ASPRV1: variants seen among roughly 807,000 people sequenced by gnomAD.
ASPRV1 encodes retroviral-like aspartic protease 1.
ASPRV1 carries 7 observed loss-of-function variants against 11.0 expected under a neutral mutation model. The ratio of observed to expected loss-of-function variants is 0.64; its 90% confidence interval spans 0.36 to 1.20. The LOEUF (loss-of-function observed/expected upper bound fraction) is 1.20. ASPRV1 is among the 50% of genes most tolerant of loss of function. The pLI, the probability that ASPRV1 is intolerant of heterozygous loss-of-function variation, is 0.02. For missense variants in ASPRV1, 299 were observed against 320.0 expected, an observed-to-expected ratio of 0.93 and a Z score of 0.50; for synonymous variants, 136 against 138.4, an observed-to-expected ratio of 0.98 and a Z score of 0.12.
At chr2:70,038,969 C>T in the ASPRV1 span, among the ~76,000 whole-genome samples, 22 of 151,652 alleles carry the variant, frequency 1.5e-4, no homozygotes, top group African/African-American at 5.1e-4. Context: ...ATCCCAGCTA[C>T]TTGGGAGGCT....
chr2:70,065,461 T>C, the ASPRV1 span, among the ~76,000 whole-genome samples: 2 of 148,380 alleles, frequency 1.3e-5, no homozygotes, highest in Non-Finnish European at 3.0e-5. Context: ...TAAACAAATA[T>C]GTAAATAAAC....
At chr2:70,039,180 C>A in the ASPRV1 span, among the ~76,000 whole-genome samples, 1 of 151,924 alleles carries the variant, frequency 6.6e-6, no homozygotes, top group African/African-American at 2.4e-5. Flanking sequence ...ACAGGAATAA[C>A]CAGTATTAGA....
At chr2:69,943,769 T>C in the ASPRV1 span, among the ~76,000 whole-genome samples, 2 of 152,190 alleles carry the variant, frequency 1.3e-5, no homozygotes, top group African/African-American at 2.4e-5. Flanking sequence ...GTGAGTCTCA[T>C]TGGCGCTCAA....
chr2:70,070,874 CAT>C, the ASPRV1 span: 1 of 140,746 alleles, frequency 7.1e-6, no homozygotes, highest in African/African-American at 2.7e-5. Flanking sequence ...ATATAAAAAA[CAT>C]GTTTCCCCTC....
At chr2:70,061,612 G>A in the ASPRV1 span, among the ~76,000 whole-genome samples, 1 of 152,024 alleles carries the variant, frequency 6.6e-6, no homozygotes, top group Admixed American at 6.6e-5. Flanking sequence ...ACCAGATACT[G>A]CAGGATCCAA....
chr2:69,944,554 A>T, the ASPRV1 span, among the ~76,000 whole-genome samples: 10 of 152,250 alleles, frequency 6.6e-5, no homozygotes, highest in Non-Finnish European at 1.0e-4. Context: ...TGGAAGCGTC[A>T]GCAGCCGGGC....
At chr2:70,079,771 C>T in the ASPRV1 span, among the ~76,000 whole-genome samples, 4 of 152,192 alleles carry the variant, frequency 2.6e-5, no homozygotes, top group Admixed American at 6.5e-5. Flanking sequence ...TCCTATTCCA[C>T]GCATAACACT....
the ASPRV1 span, among the ~76,000 whole-genome samples, chr2:70,026,742 G>A: frequency 6.6e-6 from 1 of 151,964 alleles, no homozygotes; most frequent in Admixed American, 6.6e-5. Flanking sequence ...TCATAGATTG[G>A]AAAAATTTAT....
At chr2:69,983,221 A>G in the ASPRV1 span, among the ~76,000 whole-genome samples, 2 of 152,316 alleles carry the variant, frequency 1.3e-5, no homozygotes, top group East Asian at 3.9e-4. Context: ...GTCTGGCTGG[A>G]ACCCTGAGTA....
the ASPRV1 span, among the ~76,000 whole-genome samples, chr2:70,001,168 A>C: frequency 6.9e-6 from 1 of 145,194 alleles, no homozygotes; most frequent in Admixed American, 6.8e-5. Flanking sequence ...TTTTAAATTA[A>C]AAAAAAAAAA....
the ASPRV1 span, among the ~76,000 whole-genome samples, chr2:69,992,725 C>T: frequency 6.6e-6 from 1 of 152,158 alleles, no homozygotes; most frequent in Non-Finnish European, 1.5e-5. Flanking sequence ...TTTCCTAGAA[C>T]TTTGATATTG....
At chr2:70,074,439 C>A in the ASPRV1 span, among the ~76,000 whole-genome samples, 1 of 151,452 alleles carries the variant, frequency 6.6e-6, no homozygotes, top group East Asian at 2.0e-4. Flanking sequence ...CAGGCACACA[C>A]CACCACACCT....
At chr2:70,044,371 G>A in the ASPRV1 span, among the ~76,000 whole-genome samples, 1 of 152,100 alleles carries the variant, frequency 6.6e-6, no homozygotes, top group Non-Finnish European at 1.5e-5. Context: ...CATCTCTTCT[G>A]CTAGCCCAGG....
chr2:70,074,809 T>G, the ASPRV1 span, among the ~76,000 whole-genome samples: 1 of 150,934 alleles, frequency 6.6e-6, no homozygotes. Context: ...AGCAGTAGAG[T>G]GCAGAGGTTA....
At chr2:69,948,398 C>T in the ASPRV1 span, among the ~76,000 whole-genome samples, 1 of 152,256 alleles carries the variant, frequency 6.6e-6, no homozygotes, top group Non-Finnish European at 1.5e-5. Flanking sequence ...TTCCACTCAA[C>T]GTCAATACAT....
At chr2:70,019,610 G>A in the ASPRV1 span, among the ~76,000 whole-genome samples, 4 of 152,182 alleles carry the variant, frequency 2.6e-5, no homozygotes, top group Non-Finnish European at 5.9e-5. Context: ...TGTCGTTTGT[G>A]ACAACATGAG....
chr2:69,951,555 T>TCATATATATATCTATATATAAA, the ASPRV1 span, among the ~76,000 whole-genome samples: 5 of 148,140 alleles, frequency 3.4e-5, no homozygotes, highest in Non-Finnish European at 4.5e-5. Context: ...CACATACATA[T>TCATATATATATCTATATATAAA]CATATATATA....
chr2:69,994,841 C>CA, the ASPRV1 span, among the ~76,000 whole-genome samples: 1,491 of 142,058 alleles, frequency 0.01, 57 homozygotes, highest in Admixed American at 0.08. Flanking sequence ...ATTAAAAATA[C>CA]AAAAAAAAAA....
At chr2:69,941,318 C>T in the ASPRV1 span, 12 of 152,104 alleles carry the variant, frequency 7.9e-5, no homozygotes, top group East Asian at 1.9e-4. Flanking sequence ...AATGGTGGGC[C>T]GAGCACCCAG....
Sources: gnomAD v4.1 joint callset for allele counts (sites outside exome capture counted in the v4.1 genomes callset) on GRCh38, gnomAD v4.1.1 for gene constraint, MANE v1.5 for transcripts, NCBI Gene and HGNC (gene_info 2026-07-23, HGNC 2026-07-21) for gene names.